Variants in NTNG1 observed in about 807,000 individuals in gnomAD.
NTNG1 encodes the protein netrin G1.
Under a neutral mutation model 54.0 loss-of-function variants are expected in NTNG1, and 16 were observed. That is an observed-to-expected ratio of 0.30 (90% CI 0.20 to 0.45). NTNG1 has a LOEUF of 0.45. Ranked by LOEUF, NTNG1 falls within the 20% of genes least tolerant of loss-of-function variation. The pLI, the probability that NTNG1 is intolerant of heterozygous loss-of-function variation, is 1.00. For missense variants in NTNG1, 530 were observed against 678.7 expected (o/e 0.78, Z 2.43); for synonymous variants, 255 against 263.1 (o/e 0.97, Z 0.30).
chr1:107,391,360 G>A (rs575094162), intron 3 of NTNG1, among the ~76,000 whole-genome samples: 16 of 152,266 alleles, frequency 1.1e-4, no homozygotes, highest in African/African-American at 3.4e-4. Flanking sequence ...TGGGTAGAGA[G>A]GGGCATGCCT....
intron 3 of NTNG1, among the ~76,000 whole-genome samples, chr1:107,375,336 G>A (rs1671166045): frequency 6.6e-6 from 1 of 152,162 alleles, no homozygotes; most frequent in Non-Finnish European, 1.5e-5. Context: ...TTTGTTTTCT[G>A]CCTCTCAGAG....
At chr1:107,258,170 A>G (rs1663049381) in intron 2 of NTNG1, among the ~76,000 whole-genome samples, 1 of 151,784 alleles carries the variant, frequency 6.6e-6, no homozygotes, top group Admixed American at 6.6e-5. Context: ...ATTAAACTGA[A>G]TGCTCTTACT....
rs969416390 is a variant in NTNG1, at chr1:107,340,413, A to G, written c.887+15491A>G. On this transcript the variant is annotated intron_variant, in intron 3 of 7. Transcript: ENST00000370068. ...ATGCTAAGTTAATCCTGTTTTCATTAAATATAAATGTTATTTATGGAAAAC... is the reference window on the plus strand; with the variant it reads ...ATGCTAAGTTAATCCTGTTTTCATTGAATATAAATGTTATTTATGGAAAAC... Among the ~76,000 whole-genome samples, 3 of 152,184 alleles carry G rather than the reference A, an allele frequency of 2.0e-5. No homozygotes were observed. In the East Asian group the frequency reaches 5.8e-4, roughly 29 times the overall value.
At chr1:107,342,971 T>C (rs1668989832) in intron 3 of NTNG1, among the ~76,000 whole-genome samples, 1 of 152,132 alleles carries the variant, frequency 6.6e-6, no homozygotes, top group African/African-American at 2.4e-5. Context: ...GGTAAGTTGC[T>C]GGCTGATGAT....
intron 7 of NTNG1, among the ~76,000 whole-genome samples, chr1:107,451,352 C>G (rs1676616529): frequency 6.6e-6 from 1 of 151,958 alleles, no homozygotes. Flanking sequence ...AAAAGTAAGG[C>G]TGAATTTTCC....
chr1:107,158,652 A>T (rs145162517), intron 2 of NTNG1, among the ~76,000 whole-genome samples: 18 of 152,244 alleles, frequency 1.2e-4, no homozygotes, highest in Non-Finnish European at 2.2e-4. Context: ...TTGTAAAATG[A>T]AGAAATCAAG....
chr1:107,245,412 T>C (rs1662130328), intron 2 of NTNG1, among the ~76,000 whole-genome samples: 2 of 152,194 alleles, frequency 1.3e-5, no homozygotes, highest in Non-Finnish European at 2.9e-5. Flanking sequence ...AGAATGTTGC[T>C]GTACAAAGAA....
intron 5 of NTNG1, among the ~76,000 whole-genome samples, chr1:107,414,596 G>A (rs1209591112): frequency 6.6e-6 from 1 of 152,016 alleles, no homozygotes; most frequent in Non-Finnish European, 1.5e-5. Context: ...GATCACTTGG[G>A]TTAAGAACAA....
chr1:107,310,496 A>T (rs544121126), intron 2 of NTNG1, among the ~76,000 whole-genome samples: 68 of 152,276 alleles, frequency 4.5e-4, no homozygotes, highest in African/African-American at 1.5e-3. Context: ...ATAGATCAAC[A>T]GCTATTCCAG....
intron 2 of NTNG1, among the ~76,000 whole-genome samples, chr1:107,248,198 G>A (rs546748987): frequency 7.9e-5 from 12 of 152,208 alleles, no homozygotes; most frequent in Admixed American, 5.2e-4. Context: ...AGGCCTCTTG[G>A]CAGCTGGGGC....
chr1:107,395,450 C>T (rs775910577), intron 4 of NTNG1, 124 bp downstream of exon 4: 38 of 937,076 alleles, frequency 4.1e-5, no homozygotes, highest in Non-Finnish European at 6.1e-5. Context: ...TAAAGTGCAG[C>T]GAAAGTTTCA....
chr1:107,238,794 CT>C (rs36116718), intron 2 of NTNG1, among the ~76,000 whole-genome samples: 63 of 146,852 alleles, frequency 4.3e-4, no homozygotes, highest in Middle Eastern at 3.6e-3. Context: ...CAATTAAACA[CT>C]TTTTTTTTTT....
intron 3 of NTNG1, among the ~76,000 whole-genome samples, chr1:107,387,283 C>T (rs556289850): frequency 2.2e-4 from 34 of 152,278 alleles, no homozygotes; most frequent in African/African-American, 7.9e-4. Context: ...ACAGCTAGAA[C>T]CTTAGTGCTA....
In NTNG1 at chr1:107,415,857, A is replaced by C. The variant is rs115070468; in HGVS notation, c.1087+8149A>C. On this transcript the variant is annotated intron_variant, in intron 5 of 7. Coordinates refer to ENST00000370068, the MANE Select transcript of NTNG1 (RefSeq NM_001113226.3). ...AGAATTGCTCTCAGACATACTATTA[A>C]AGTAGCCTCTAATATGCTTAATTTA... Among the ~76,000 whole-genome samples the C allele has an allele frequency of 5.2e-3, 788 of 152,180 alleles. 9 individuals are homozygous for C. Among genetic ancestry groups the C allele is most frequent in the African/African-American group, 0.018 (740 of 41,514 alleles).
At chr1:107,419,521 T>C (rs1463273981) in intron 5 of NTNG1, among the ~76,000 whole-genome samples, 1 of 151,886 alleles carries the variant, frequency 6.6e-6, no homozygotes, top group Non-Finnish European at 1.5e-5. Context: ...TGCAGTGTAA[T>C]GTTAAATTTA....
intron 2 of NTNG1, among the ~76,000 whole-genome samples, chr1:107,192,538 C>A (rs1658038552): frequency 6.6e-6 from 1 of 152,046 alleles, no homozygotes; most frequent in Non-Finnish European, 1.5e-5. Context: ...GCCAGGTTAA[C>A]CCCTACTTTC....
intron 7 of NTNG1, among the ~76,000 whole-genome samples, chr1:107,458,536 A>G (rs1249006542): frequency 6.6e-6 from 1 of 152,208 alleles, no homozygotes; most frequent in African/African-American, 2.4e-5. Context: ...AATAGGTATC[A>G]TTTGAGACAT....
At chr1:107,476,616 C>T (rs1340261604) in intron 7 of NTNG1, among the ~76,000 whole-genome samples, 3 of 152,146 alleles carry the variant, frequency 2.0e-5, no homozygotes, top group Non-Finnish European at 4.4e-5. Context: ...TTCACATAAC[C>T]TGTCTCCAAA....
chr1:107,199,999 T>A (rs1658619400), intron 2 of NTNG1, among the ~76,000 whole-genome samples: 1 of 151,928 alleles, frequency 6.6e-6, no homozygotes, highest in Non-Finnish European at 1.5e-5. Flanking sequence ...TTGATCTTCA[T>A]GGAATCATGG....
Sources: allele counts gnomAD v4.1 joint callset (sites outside exome capture counted in the v4.1 genomes callset), GRCh38; gene constraint gnomAD v4.1.1; transcripts MANE v1.5; gene names NCBI Gene and HGNC (gene_info 2026-07-23, HGNC 2026-07-21).